PTPRN2: variants seen among roughly 807,000 people sequenced by gnomAD.
PTPRN2 encodes the protein protein tyrosine phosphatase receptor type N2.
PTPRN2 carries 74 observed loss-of-function variants against 118.8 expected under a neutral mutation model. That is an observed-to-expected ratio of 0.62 (90% CI 0.52 to 0.76). The LOEUF (loss-of-function observed/expected upper bound fraction) is 0.76. Among genes scored for constraint, PTPRN2 ranks in the 30% least tolerant of loss-of-function variants. PTPRN2 has a pLI of 0.00. For missense variants in PTPRN2, 1,481 were observed against 1,394.4 expected (o/e 1.06, Z -0.99); for synonymous variants, 641 against 608.0 (o/e 1.05, Z -0.80).
rs1203018670 is a variant in PTPRN2, at chr7:158,306,530, C to CATG, written c.277+10288_277+10289insCAT. Reference sequence around the variant, plus strand: ...AGGCATTTAAGGCAATCTGTCTGGTCATCTGACCACTAACCAAACTGAGCA... The same window carrying CATG: ...AGGCATTTAAGGCAATCTGTCTGGTCATGATCTGACCACTAACCAAACTGAGCA... On this transcript the variant is annotated intron_variant, in intron 3 of 22. Transcript: ENST00000389418. Among the ~76,000 whole-genome samples the CATG allele has an allele frequency of 3.3e-5, 5 of 151,644 alleles. No individual in the cohort carries two copies. The East Asian group carries it at 7.8e-4, about 24-fold the overall frequency.
intron 12 of PTPRN2, among the ~76,000 whole-genome samples, chr7:157,751,031 A>G (rs1801429675): frequency 6.6e-6 from 1 of 152,240 alleles, no homozygotes; most frequent in Non-Finnish European, 1.5e-5. Context: ...CCTCCTCACC[A>G]GTGAGCGTCC....
At chr7:158,171,306 C>CACAT (rs1300735031) in intron 5 of PTPRN2, among the ~76,000 whole-genome samples, 3,410 of 33,278 alleles carry the variant, frequency 0.1, 517 homozygotes, top group East Asian at 0.15. Context: ...TATATATACA[C>CACAT]ACATATATAT....
chr7:158,445,407 T>A (rs1476700799), intron 2 of PTPRN2, among the ~76,000 whole-genome samples: 1 of 152,154 alleles, frequency 6.6e-6, no homozygotes, highest in African/African-American at 2.4e-5. Context: ...CACTCTACAC[T>A]GCACAGCAGC....
In PTPRN2 at chr7:157,618,964, G is replaced by C. The variant is rs763860461; in HGVS notation, c.2344+2398C>G. Among the ~76,000 whole-genome samples the C allele has an allele frequency of 6.6e-6, 1 of 152,012 alleles. No individual in the cohort carries two copies. Among genetic ancestry groups the C allele is most frequent in the Non-Finnish European group, 1.5e-5 (1 of 67,984 alleles). On this transcript the variant is annotated intron_variant, in intron 15 of 22. Coordinates refer to ENST00000389418, the MANE Select transcript of PTPRN2 (RefSeq NM_002847.5). The surrounding 1 kb of genome is among the most constrained non-coding windows in gnomAD (Gnocchi z 4.2). ...GAGGGAGGTGCTTTCCCCCTCACCC[G>C]TCACCTGGCTCAGAATGGGCAGGGC...
chr7:157,683,029 G>T, intron 12 of PTPRN2, 92 bp from the exon 13 acceptor site: 2 of 1,164,164 alleles, frequency 1.7e-6, no homozygotes, highest in South Asian at 1.3e-5. Flanking sequence ...AAAGTGGAAA[G>T]CTCAGCCCCA....
At chr7:158,131,535 ACACACGGG>A (rs1485771576) in intron 9 of PTPRN2, among the ~76,000 whole-genome samples, 50 of 149,128 alleles carry the variant, frequency 3.4e-4, no homozygotes, top group African/African-American at 1.2e-3. Flanking sequence ...ACTCATACAC[ACACACGGG>A]TACATACAAA....
At chr7:157,633,031 G>A (rs1212240199) in intron 14 of PTPRN2, among the ~76,000 whole-genome samples, 1 of 152,138 alleles carries the variant, frequency 6.6e-6, no homozygotes. Flanking sequence ...CAGTCATCCA[G>A]TTTGATTAAG....
chr7:158,418,794 C>T (rs901450176), intron 2 of PTPRN2, among the ~76,000 whole-genome samples: 2 of 152,118 alleles, frequency 1.3e-5, no homozygotes, highest in African/African-American at 4.8e-5. Context: ...TCATGGTGTA[C>T]TACATCGAGA....
chr7:158,302,244 C>T (rs891320946), intron 3 of PTPRN2, among the ~76,000 whole-genome samples: 10 of 152,164 alleles, frequency 6.6e-5, no homozygotes, highest in Non-Finnish European at 8.8e-5. Context: ...AGGGGTTAGC[C>T]GCTGAATCCC....
At chr7:158,164,587 T>G (rs1205745489) in intron 6 of PTPRN2, among the ~76,000 whole-genome samples, 2 of 152,078 alleles carry the variant, frequency 1.3e-5, no homozygotes, top group South Asian at 2.1e-4. Context: ...ATGCGTCCTA[T>G]TCTCTCTGTG....
chr7:157,906,346 G>A (rs1797767532), intron 11 of PTPRN2, among the ~76,000 whole-genome samples: 1 of 152,212 alleles, frequency 6.6e-6, no homozygotes, highest in Admixed American at 6.5e-5. Flanking sequence ...CTAACATGAG[G>A]CCCACCTGGT....
At chr7:158,128,820 C>T (rs1291395462) in intron 9 of PTPRN2, among the ~76,000 whole-genome samples, 2 of 152,106 alleles carry the variant, frequency 1.3e-5, no homozygotes, top group Non-Finnish European at 2.9e-5. Context: ...GGCGGCCGTC[C>T]CCCTGCAAGG....
intron 12 of PTPRN2, among the ~76,000 whole-genome samples, chr7:157,883,899 T>C (rs1027100355): frequency 2.7e-5 from 4 of 147,028 alleles, no homozygotes; most frequent in Non-Finnish European, 5.9e-5. Flanking sequence ...AAAATGACTG[T>C]TGGAGATCAG....
intron 21 of PTPRN2, among the ~76,000 whole-genome samples, chr7:157,565,830 A>C (rs1161936600): frequency 2.0e-5 from 3 of 152,194 alleles, no homozygotes; most frequent in Non-Finnish European, 4.4e-5. Flanking sequence ...GGCTACCTAA[A>C]AACAGATTCC....
chr7:158,276,620 GC>G (rs36015218), intron 3 of PTPRN2, among the ~76,000 whole-genome samples: 38,594 of 150,144 alleles, frequency 0.26, 5,279 homozygotes, highest in African/African-American at 0.32. Context: ...TATTAACTTG[GC>G]CCCATTTATT....
intron 12 of PTPRN2, among the ~76,000 whole-genome samples, chr7:157,735,162 GT>G (rs1171902092): frequency 6.6e-6 from 1 of 152,250 alleles, no homozygotes; most frequent in East Asian, 1.9e-4. Context: ...TGCTCCCGTG[GT>G]TCGGCCGGCG....
At chr7:158,263,237 T>C (rs752864480) in intron 3 of PTPRN2, among the ~76,000 whole-genome samples, 1 of 152,212 alleles carries the variant, frequency 6.6e-6, no homozygotes, top group African/African-American at 2.4e-5. Context: ...GTGCCTACTG[T>C]ATGCATGCAT....
At chr7:158,192,093 A>G (rs1825811200) in intron 5 of PTPRN2, among the ~76,000 whole-genome samples, 1 of 152,170 alleles carries the variant, frequency 6.6e-6, no homozygotes, top group African/African-American at 2.4e-5. Context: ...TTGTCCCAAG[A>G]AAGATCCTAC....
At chr7:157,911,102 C>T (rs1798079582) in intron 11 of PTPRN2, among the ~76,000 whole-genome samples, 1 of 152,188 alleles carries the variant, frequency 6.6e-6, no homozygotes, top group Non-Finnish European at 1.5e-5. Flanking sequence ...GGCACTGTGG[C>T]ACAGCAAGCC....
Sources: allele counts gnomAD v4.1 joint callset (sites outside exome capture counted in the v4.1 genomes callset), GRCh38; gene constraint gnomAD v4.1.1; non-coding constraint Gnocchi (gnomAD v3.1); transcripts MANE v1.5; gene names NCBI Gene and HGNC (gene_info 2026-07-23, HGNC 2026-07-21).